Variants in ARHGEF10L observed in about 807,000 individuals in gnomAD.
The protein encoded by ARHGEF10L is Rho guanine nucleotide exchange factor 10 like, also known as rho guanine nucleotide exchange factor 10-like protein.
Under a neutral mutation model 141.2 loss-of-function variants are expected in ARHGEF10L, and 69 were observed. That is an observed-to-expected ratio of 0.49 (90% CI 0.40 to 0.60). The LOEUF is 0.60. Ranked by LOEUF, ARHGEF10L falls within the 20% of genes least tolerant of loss-of-function variation. The pLI, the probability that ARHGEF10L is intolerant of heterozygous loss-of-function variation, is 0.00. For missense variants in ARHGEF10L, 1,482 were observed against 1,734.3 expected, an observed-to-expected ratio of 0.85 and a Z score of 2.58; for synonymous variants, 711 against 718.5, an observed-to-expected ratio of 0.99 and a Z score of 0.17.
chr1:17,690,010 C>T (rs1226207923), intron 27 of ARHGEF10L: 5 of 356,928 alleles, frequency 1.4e-5, no homozygotes, highest in East Asian at 7.6e-5. Context: ...GAAGGGCATT[C>T]GTTGTTATGA....
At position 17,697,125 on chromosome 1, in the gene ARHGEF10L, T is replaced by A; in HGVS notation, c.3585T>A (p.Pro1195=). 1 of 1,610,674 alleles carries A rather than the reference T, an allele frequency of 6.2e-7. No individual in the cohort carries two copies. Among genetic ancestry groups the A allele is most frequent in the Non-Finnish European group, 8.5e-7 (1 of 1,178,624 alleles). Residue 1195 remains proline (P), a synonymous_variant, in exon 29 of 29, where the codon CCT becomes CCA. Transcript: ENST00000361221. This position sits in a 1 kb window ranked among gnomAD's most constrained non-coding sequence, Gnocchi z 4.8. Reference sequence around the variant, plus strand: ...TGCTCTCCATGCGGGAGCCGGCGCCTGCTGATGGCGCAGCTTTGGAGCACA... The same window carrying A: ...TGCTCTCCATGCGGGAGCCGGCGCCAGCTGATGGCGCAGCTTTGGAGCACA... The part of the protein sequence containing the change: ...GPLLSMREPA[P]ADGAALEHSE...
chr1:17,657,983 G>A (rs1319581538), intron 25 of ARHGEF10L, among the ~76,000 whole-genome samples: 1 of 152,230 alleles, frequency 6.6e-6, no homozygotes, highest in Non-Finnish European at 1.5e-5. Context: ...ATGTAGCGTC[G>A]CATATCCTAG....
chr1:17,604,542 T>C (rs2080995170), intron 6 of ARHGEF10L: 1 of 152,172 alleles, frequency 6.6e-6, no homozygotes, highest in South Asian at 2.1e-4. Flanking sequence ...ATGGGGCAGC[T>C]CTAACCATCC....
intron 1 of ARHGEF10L, among the ~76,000 whole-genome samples, chr1:17,561,679 G>A (rs1165508594): frequency 1.3e-5 from 2 of 152,328 alleles, no homozygotes; most frequent in South Asian, 2.1e-4. Context: ...GGCCTCCCTG[G>A]CCTGCCCTGG....
intron 28 of ARHGEF10L, 21 bp downstream of exon 28, chr1:17,695,301 G>A: frequency 2.6e-6 from 4 of 1,559,754 alleles, no homozygotes; most frequent in Non-Finnish European, 3.5e-6. Flanking sequence ...GGGAGCTGGT[G>A]TTGGCAGGAC....
At chr1:17,687,436 T>C in intron 26 of ARHGEF10L, 137 bp from the exon 27 acceptor site, 2 of 965,298 alleles carry the variant, frequency 2.1e-6, no homozygotes, top group Non-Finnish European at 3.0e-6. Flanking sequence ...GCCAACCTCA[T>C]AGCTGGGCTT....
chr1:17,651,619 G>A (rs183175548), intron 22 of ARHGEF10L, among the ~76,000 whole-genome samples: 4 of 152,266 alleles, frequency 2.6e-5, no homozygotes, highest in Non-Finnish European at 4.4e-5. Context: ...CATCCAGGTG[G>A]GGAGCCTCTG....
At chr1:17,624,270 G>A (rs2060263367) in intron 12 of ARHGEF10L, 117 bp from the exon 13 acceptor site, 1 of 767,728 alleles carries the variant, frequency 1.3e-6, no homozygotes, top group Non-Finnish European at 2.3e-6. Flanking sequence ...TGTGGGGTGA[G>A]TGCAGGCGCC....
At position 17,680,500 on chromosome 1, in the gene ARHGEF10L, G is replaced by T. The variant is rs2064036226; in HGVS notation, c.3010-7073G>T. ...CTGACTGTGTGGGCGCCTGTAGCGG[G>T]TGGATGGGGGGCTGCAGGGAGGGGC... On this transcript the variant is annotated intron_variant, in intron 26 of 28. Transcript: ENST00000361221. Among the ~76,000 whole-genome samples the T allele has an allele frequency of 1.3e-5, 2 of 152,212 alleles. 1 individual carries two copies. The highest frequency in any genetic ancestry group is 4.1e-4 in the South Asian group (2 of 4,836).
At chr1:17,552,587 T>G (rs926815385) in intron 1 of ARHGEF10L, among the ~76,000 whole-genome samples, 2 of 117,910 alleles carry the variant, frequency 1.7e-5, no homozygotes, top group Non-Finnish European at 4.0e-5. Context: ...TTTTTTTTTT[T>G]TTTTTTTTTT....
upstream of ARHGEF10L, among the ~76,000 whole-genome samples, chr1:17,535,563 C>T (rs1416040977): frequency 6.6e-6 from 1 of 152,158 alleles, no homozygotes; most frequent in Non-Finnish European, 1.5e-5. Context: ...ACCTCTCTGA[C>T]CAGGGAAATA....
chr1:17,619,045 G>A lies in ARHGEF10L; in HGVS notation c.836-294G>A, dbSNP rs2059964623. On this transcript the variant is annotated intron_variant, in intron 9 of 28. Coordinates refer to ENST00000361221, the MANE Select transcript of ARHGEF10L (RefSeq NM_018125.4). This position sits in a 1 kb window ranked among gnomAD's most constrained non-coding sequence, Gnocchi z 5.0. ...TGAGCAGGGACAGTGGCTTCTGGCA[G>A]CATGGACGCCGAGAACCCAGGCCCC... 6.6e-6 allele frequency among the ~76,000 whole-genome samples: 1 copy of A among 152,116 alleles called. No homozygotes were observed. Among genetic ancestry groups the A allele is most frequent in the Admixed American group, 6.5e-5 (1 of 15,282 alleles).
chr1:17,671,109 C>T (rs929982612), intron 26 of ARHGEF10L, among the ~76,000 whole-genome samples: 1 of 152,274 alleles, frequency 6.6e-6, no homozygotes, highest in African/African-American at 2.4e-5. Flanking sequence ...CAGTGAGTCC[C>T]AGGGCCGGGC....
chr1:17,590,448 C>T (rs1312979688), intron 4 of ARHGEF10L, among the ~76,000 whole-genome samples: 1 of 152,130 alleles, frequency 6.6e-6, no homozygotes, highest in African/African-American at 2.4e-5. Context: ...AAAGAGCCGG[C>T]TCTTCGCTCC....
chr1:17,691,061 G>T (rs925528845), intron 27 of ARHGEF10L: 9 of 440,206 alleles, frequency 2.0e-5, no homozygotes, highest in Non-Finnish European at 4.1e-5. Context: ...TCTTCCACTC[G>T]CATACTCGAC....
chr1:17,615,915 C>T lies in ARHGEF10L; in HGVS notation c.727-179C>T, dbSNP rs370061372. ...TGTTGCCCCTAAAGAGGGAGATCCC[C>T]GGGCATGAACGCACCTTCTCACCCC... is the stretch of plus-strand genomic sequence containing the variant. On this transcript the variant is annotated intron_variant, in intron 8 of 28. Coordinates refer to ENST00000361221, the MANE Select transcript of ARHGEF10L (RefSeq NM_018125.4). This position sits in a 1 kb window ranked among gnomAD's most constrained non-coding sequence, Gnocchi z 4.7. 4.2e-5 allele frequency: 25 copies of T among 590,602 alleles called. No homozygotes were observed. Among genetic ancestry groups the T allele is most frequent in the South Asian group, 1.7e-4 (8 of 46,484 alleles). 36.6% of individuals were successfully genotyped at this position (590,602 alleles called of 1,614,324 possible).
At chr1:17,595,235 T>C (rs1458189459) in intron 4 of ARHGEF10L, among the ~76,000 whole-genome samples, 1 of 148,630 alleles carries the variant, frequency 6.7e-6, no homozygotes, top group Non-Finnish European at 1.5e-5. Flanking sequence ...TTTTTTTTTT[T>C]TTTTTTTTTT....
chr1:17,574,223 A>T (rs1038864929), intron 1 of ARHGEF10L, among the ~76,000 whole-genome samples: 3 of 152,034 alleles, frequency 2.0e-5, no homozygotes, highest in Non-Finnish European at 4.4e-5. Flanking sequence ...GGCCTTGGGG[A>T]TGCCCCTCAG....
At chr1:17,616,254 C>T (rs751185402) in intron 9 of ARHGEF10L, 52 bp downstream of exon 9, 62 of 555,242 alleles carry the variant, frequency 1.1e-4, no homozygotes, top group Middle Eastern at 4.6e-4. Context: ...GACTGGGGGT[C>T]GGGGAGGGTG....
Sources: allele counts gnomAD v4.1 joint callset (sites outside exome capture counted in the v4.1 genomes callset), GRCh38; gene constraint gnomAD v4.1.1; non-coding constraint Gnocchi (gnomAD v3.1); transcripts MANE v1.5; gene names NCBI Gene and HGNC (gene_info 2026-07-23, HGNC 2026-07-21).